Variants in CRYL1 observed in about 807,000 individuals in gnomAD.
The protein encoded by CRYL1 is lambda-crystallin homolog.
In CRYL1, 29 loss-of-function variants were observed where a neutral mutation model predicts 36.6. That is an observed-to-expected ratio of 0.79 (90% CI 0.59 to 1.08). CRYL1 has a LOEUF of 1.08. Ranked by LOEUF, CRYL1 falls within the 50% of genes least tolerant of loss-of-function variation. The pLI is 0.00. For missense variants in CRYL1, 411 were observed against 407.9 expected (o/e 1.01, Z -0.06); for synonymous variants, 152 against 151.5 (o/e 1.00, Z -0.02).
intron 5 of CRYL1, among the ~76,000 whole-genome samples, chr13:20,417,301 C>T (rs575324239): frequency 1.3e-5 from 2 of 152,278 alleles, no homozygotes; most frequent in Admixed American, 6.5e-5. Context: ...GACAAATAAT[C>T]ATTTGTCATT....
intron 6 of CRYL1, among the ~76,000 whole-genome samples, chr13:20,408,562 G>C (rs1405065872): frequency 1.3e-5 from 2 of 152,160 alleles, no homozygotes; most frequent in African/African-American, 2.4e-5. Context: ...GGAAACTCTA[G>C]GTACCTGGTT....
In CRYL1 at chr13:20,465,620, T is replaced by G. The variant is rs151148250; in HGVS notation, c.276+23750A>C. 1.0e-3 allele frequency among the ~76,000 whole-genome samples: 152 copies of G among 152,290 alleles called. 1 individual carries two copies. The highest frequency in any genetic ancestry group is 3.1e-3 in the African/African-American group (130 of 41,568). On this transcript the variant is annotated intron_variant, in intron 3 of 7. Coordinates refer to ENST00000298248, the MANE Select transcript of CRYL1 (RefSeq NM_015974.3). ...AAACAGAGGCAGGCACCGGTCACCC[T>G]GCAGCTTGGCAGGCTCCAAAAGGGT...
intron 2 of CRYL1, among the ~76,000 whole-genome samples, chr13:20,508,519 A>G (rs1347832632): frequency 1.3e-5 from 2 of 152,054 alleles, no homozygotes; most frequent in Non-Finnish European, 2.9e-5. Context: ...CCAAATATTA[A>G]GCTGTTTGTG....
At chr13:20,482,462 GAGTAAACTTATTTT>G (rs1196556197) in intron 3 of CRYL1, among the ~76,000 whole-genome samples, 2 of 152,216 alleles carry the variant, frequency 1.3e-5, no homozygotes, top group Non-Finnish European at 2.9e-5. Flanking sequence ...CAGCTTTTCA[GAGTAAACTTATTTT>G]TCCAGAACAG....
intron 3 of CRYL1, among the ~76,000 whole-genome samples, chr13:20,458,047 A>G (rs1593457496): frequency 6.6e-6 from 1 of 152,200 alleles, no homozygotes; most frequent in African/African-American, 2.4e-5. Flanking sequence ...CTATTCATTT[A>G]CCAGCCAACC....
intron 5 of CRYL1, among the ~76,000 whole-genome samples, chr13:20,430,044 T>A (rs1329837403): frequency 2.0e-5 from 3 of 151,954 alleles, no homozygotes; most frequent in Non-Finnish European, 4.4e-5. Context: ...CCCTGCCCCA[T>A]AACTAAAGCC....
intron 6 of CRYL1, among the ~76,000 whole-genome samples, chr13:20,407,994 C>T (rs1252734543): frequency 6.6e-6 from 1 of 152,202 alleles, no homozygotes; most frequent in African/African-American, 2.4e-5. Context: ...TTAATTGCCA[C>T]CCATACATGG....
At chr13:20,439,544 C>CAAA in intron 4 of CRYL1, 49 bp downstream of exon 4, 1 of 561,762 alleles carries the variant, frequency 1.8e-6, no homozygotes, top group Non-Finnish European at 2.5e-6. Context: ...AAAAAAAAAA[C>CAAA]ACAGAATGAG....
Position 20,473,842 on chromosome 13 carries a change from C to T in CRYL1, c.276+15528G>A, listed in dbSNP as rs921015990. Among the ~76,000 whole-genome samples, 12 of 151,914 alleles carry T rather than the reference C, an allele frequency of 7.9e-5. No individual in the cohort carries two copies. In the South Asian group the frequency reaches 1.0e-3, roughly 13 times the overall value. Reference sequence around the variant, plus strand: ...TTATACAATAAAACAATGGCTCTCACGGATTCTAACGTCTCAGGAAAGTAC... The same window carrying T: ...TTATACAATAAAACAATGGCTCTCATGGATTCTAACGTCTCAGGAAAGTAC... On this transcript the variant is annotated intron_variant, in intron 3 of 7. Transcript: ENST00000298248.
chr13:20,455,849 A>G (rs1186994033), intron 3 of CRYL1, among the ~76,000 whole-genome samples: 1 of 152,242 alleles, frequency 6.6e-6, no homozygotes, highest in Non-Finnish European at 1.5e-5. Flanking sequence ...ATAAAGCTAT[A>G]GTAATTAAGA....
chr13:20,466,682 C>CTGTGTGTGTGTGTGTGTG (rs57209647), intron 3 of CRYL1, among the ~76,000 whole-genome samples: 1,786 of 129,542 alleles, frequency 0.014, 41 homozygotes, highest in African/African-American at 0.043. Flanking sequence ...TTGGAAAACT[C>CTGTGTGTGTGTGTGTGTG]TGTGTGTGTG....
rs907664515 is a variant in CRYL1 at position 20,415,469 on chromosome 13, T to C, written c.634-2082A>G. On this transcript the variant is annotated intron_variant, in intron 5 of 7. Coordinates refer to ENST00000298248, the MANE Select transcript of CRYL1 (RefSeq NM_015974.3). This position sits in a 1 kb window ranked among gnomAD's most constrained non-coding sequence, Gnocchi z 4.1. Reference sequence around the variant, plus strand: ...CCTGCGTCTGCAGAGAGCGCGGCGGTGAAGCGGGAGCAGGCGGCCTGGCCC... The same window carrying C: ...CCTGCGTCTGCAGAGAGCGCGGCGGCGAAGCGGGAGCAGGCGGCCTGGCCC... 7.2e-5 allele frequency among the ~76,000 whole-genome samples: 11 copies of C among 151,942 alleles called. No individual in the cohort carries two copies. Among genetic ancestry groups the C allele is most frequent in the African/African-American group, 2.2e-4 (9 of 41,348 alleles).
At chr13:20,453,190 A>G (rs1471121665) in intron 3 of CRYL1, among the ~76,000 whole-genome samples, 4 of 152,176 alleles carry the variant, frequency 2.6e-5, no homozygotes, top group Non-Finnish European at 5.9e-5. Flanking sequence ...ATTTACCAAG[A>G]TAGATTATAG....
At chr13:20,427,255 A>G (rs1358429224) in intron 5 of CRYL1, 8 of 985,258 alleles carry the variant, frequency 8.1e-6, no homozygotes, top group Non-Finnish European at 9.6e-6. Context: ...AGACATGTCC[A>G]TCTGGCATTT....
chr13:20,413,040 T>C (rs895413762), intron 6 of CRYL1, among the ~76,000 whole-genome samples: 2 of 152,140 alleles, frequency 1.3e-5, no homozygotes, highest in African/African-American at 4.8e-5. Context: ...CTCTCTTCCT[T>C]TGAGCTCTCA....
At chr13:20,519,678 C>T (rs2034062019) in intron 1 of CRYL1, among the ~76,000 whole-genome samples, 1 of 152,058 alleles carries the variant, frequency 6.6e-6, no homozygotes, top group African/African-American at 2.4e-5. Context: ...GGGCAAATGA[C>T]TCAAATTCTT....
chr13:20,470,542 G>A (rs923498849), intron 3 of CRYL1, among the ~76,000 whole-genome samples: 1 of 152,166 alleles, frequency 6.6e-6, no homozygotes, highest in Non-Finnish European at 1.5e-5. Context: ...AAAGGAAGGG[G>A]AAGCAGATTT....
intron 5 of CRYL1, chr13:20,431,347 C>A: frequency 3.0e-6 from 3 of 985,410 alleles, no homozygotes; most frequent in Non-Finnish European, 3.6e-6. Context: ...GCCCTTGAGC[C>A]TTCCACAATG....
chr13:20,432,438 G>GA, intron 4 of CRYL1, 142 bp from the exon 5 acceptor site: 1 of 550,106 alleles, frequency 1.8e-6, no homozygotes, highest in East Asian at 3.0e-5. Context: ...AGATACTTGA[G>GA]AAAGAAATTT....
Sources: allele counts gnomAD v4.1 joint callset (sites outside exome capture counted in the v4.1 genomes callset), GRCh38; gene constraint gnomAD v4.1.1; non-coding constraint Gnocchi (gnomAD v3.1); transcripts MANE v1.5; gene names NCBI Gene and HGNC (gene_info 2026-07-23, HGNC 2026-07-21).